MPP7: variants seen among roughly 807,000 people sequenced by gnomAD.
MPP7 encodes MAGUK p55 scaffold protein 7, also known as MAGUK p55 subfamily member 7.
MPP7 carries 60 observed loss-of-function variants against 76.5 expected under a neutral mutation model. The observed-to-expected ratio is 0.78, with a 90% confidence interval of 0.64 to 0.97. The LOEUF is 0.97. MPP7 is among the 50% of genes least tolerant of loss of function. MPP7 has a pLI of 0.00. For missense variants in MPP7, 641 were observed against 694.0 expected (o/e 0.92, Z 0.86); for synonymous variants, 237 against 244.5 (o/e 0.97, Z 0.29).
chr10:28,183,505 G>A (rs1305922539), intron 3 of MPP7, among the ~76,000 whole-genome samples: 1 of 152,142 alleles, frequency 6.6e-6, no homozygotes, highest in East Asian at 1.9e-4. Flanking sequence ...AGTTTATTAA[G>A]AGGCCAGGTG....
intron 1 of MPP7, among the ~76,000 whole-genome samples, chr10:28,254,004 G>GAAAAAAAAAAAAAAA (rs199511617): frequency 4.3e-5 from 4 of 92,334 alleles, no homozygotes; most frequent in Non-Finnish European, 6.2e-5. Context: ...TCACAAAAAA[G>GAAAAAAAAAAAAAAA]AAAAAAAAAA....
At chr10:28,310,071 G>A (rs1319671213) in intron 2 of MPP7, among the ~76,000 whole-genome samples, 7 of 145,072 alleles carry the variant, frequency 4.8e-5, no homozygotes, top group Admixed American at 2.8e-4. Context: ...GCACAATCTC[G>A]GCTCACTGCA....
In MPP7 at chr10:28,094,293, A is replaced by AT. The variant is rs1459374231; in HGVS notation, c.953-4453_953-4452insA. On this transcript the variant is annotated intron_variant, in intron 11 of 16. Transcript: ENST00000683449. The stretch of plus-strand genomic sequence containing the variant: ...TTTTACAATGCAAAGGAGCAAAGGC[A>AT]GTGAGGTCGCAACAGGGGTTCCATG... 3.7e-3 allele frequency among the ~76,000 whole-genome samples: 567 copies of AT among 152,288 alleles called. 1 individual carries two copies. The highest frequency in any genetic ancestry group is 0.013 in the African/African-American group (531 of 41,538).
intron 2 of MPP7, among the ~76,000 whole-genome samples, chr10:28,237,115 C>T (rs1839103432): frequency 1.3e-5 from 2 of 152,150 alleles, no homozygotes; most frequent in Admixed American, 6.5e-5. Context: ...ATAAATACTC[C>T]ATTTTAATCC....
intron 11 of MPP7, among the ~76,000 whole-genome samples, chr10:28,117,514 C>T (rs868518705): frequency 2.0e-5 from 3 of 152,124 alleles, no homozygotes; most frequent in South Asian, 2.1e-4. Flanking sequence ...GGCATGATAA[C>T]GTAAGTTTCC....
chr10:28,159,124 T>G (rs1276285409), intron 3 of MPP7, among the ~76,000 whole-genome samples: 3 of 152,184 alleles, frequency 2.0e-5, no homozygotes, highest in African/African-American at 7.2e-5. Context: ...AGCTACAGAC[T>G]GCCAGAAATT....
chr10:28,226,481 A>C (rs189844202), intron 2 of MPP7, among the ~76,000 whole-genome samples: 49 of 152,272 alleles, frequency 3.2e-4, no homozygotes, highest in African/African-American at 1.2e-3. Flanking sequence ...TTCTGACCTC[A>C]GGTGATCCAC....
At chr10:28,183,295 T>C (rs1837120116) in intron 3 of MPP7, among the ~76,000 whole-genome samples, 1 of 152,208 alleles carries the variant, frequency 6.6e-6, no homozygotes, top group African/African-American at 2.4e-5. Flanking sequence ...TCTTAAGCTG[T>C]GTGTTGGAAC....
intron 3 of MPP7, among the ~76,000 whole-genome samples, chr10:28,185,216 T>C (rs1429021332): frequency 6.7e-6 from 1 of 148,364 alleles, no homozygotes; most frequent in East Asian, 1.9e-4. Flanking sequence ...TGATATAATA[T>C]AGTATAATAT....
chr10:28,162,292 T>C (rs78477008), intron 3 of MPP7, among the ~76,000 whole-genome samples: 1,619 of 152,230 alleles, frequency 0.011, 8 homozygotes, highest in Middle Eastern at 0.024. Context: ...AGCCCACGAA[T>C]TGATCACACA....
At chr10:28,272,792 T>A (rs568857005) in intron 1 of MPP7, among the ~76,000 whole-genome samples, 77 of 152,272 alleles carry the variant, frequency 5.1e-4, no homozygotes, top group African/African-American at 1.6e-3. Flanking sequence ...CCTGGAGATG[T>A]TGGAGTCATT....
chr10:28,163,065 G>T lies in MPP7; in HGVS notation c.157-13006C>A, dbSNP rs7091086. ...CCCTTTTGTCATGTAAGGTGACACAGTCATAGGGTCCAGGGAGAAAGACGT... is the reference window on the plus strand; with the variant it reads ...CCCTTTTGTCATGTAAGGTGACACATTCATAGGGTCCAGGGAGAAAGACGT... On this transcript the variant is annotated intron_variant, in intron 3 of 16. Coordinates refer to ENST00000683449, the MANE Select transcript of MPP7 (RefSeq NM_001318170.2). 7.4e-3 allele frequency among the ~76,000 whole-genome samples: 1,130 copies of T among 152,276 alleles called. 10 individuals carry two copies. The highest frequency in any genetic ancestry group is 0.027 in the Middle Eastern group (8 of 294).
chr10:28,124,075 T>C lies in MPP7; in HGVS notation c.571A>G (p.Ile191Val). 6.2e-7 allele frequency: 1 copy of C among 1,612,962 alleles called. No homozygotes were observed. Among genetic ancestry groups the C allele is most frequent in the African/African-American group, 1.3e-5 (1 of 75,060 alleles). ...TCAGGCCTTTTATCCTCCACTGGTA[T>C]CCCGTTGACTTCCCTAAGTTCATCA... ...VGDELREVNG[I>V]PVEDKRPEEI... The change falls in exon 8 of 17, where the codon ATA becomes GTA. Residue 191 changes from isoleucine to valine, a missense_variant. Transcript: ENST00000683449.
chr10:28,312,364 A>T (rs1249419), intron 2 of MPP7, among the ~76,000 whole-genome samples: 8 of 152,010 alleles, frequency 5.3e-5, no homozygotes, highest in African/African-American at 1.9e-4. Context: ...TGATTCGTGC[A>T]TTTTACAATC....
At chr10:28,152,142 C>A (rs1160552010) in intron 3 of MPP7, among the ~76,000 whole-genome samples, 1 of 152,140 alleles carries the variant, frequency 6.6e-6, no homozygotes, top group Non-Finnish European at 1.5e-5. Flanking sequence ...ACTTCATTTG[C>A]TTCTTCTGAG....
intron 2 of MPP7, among the ~76,000 whole-genome samples, chr10:28,312,060 A>C (rs1275153052): frequency 1.3e-5 from 2 of 152,174 alleles, no homozygotes; most frequent in Non-Finnish European, 2.9e-5. Flanking sequence ...ACAGCTCTTA[A>C]AGATGGCACG....
chr10:28,261,589 GGTGACCCCAGAGTACACAGAGT>G (rs1839951037), intron 1 of MPP7, among the ~76,000 whole-genome samples: 1 of 152,078 alleles, frequency 6.6e-6, no homozygotes, highest in Non-Finnish European at 1.5e-5. Context: ...TTCTCCATCA[GGTGACCCCAGAGTACACAGAGT>G]GTGGATATCA....
At chr10:28,193,696 A>G (rs1837487060) in intron 3 of MPP7, among the ~76,000 whole-genome samples, 2 of 152,224 alleles carry the variant, frequency 1.3e-5, no homozygotes, top group Admixed American at 1.3e-4. Context: ...TAGAAAATAC[A>G]AAGAATTGTT....
chr10:28,128,200 T>C (rs1195082058), intron 6 of MPP7, among the ~76,000 whole-genome samples: 4 of 152,188 alleles, frequency 2.6e-5, no homozygotes, highest in African/African-American at 9.7e-5. Flanking sequence ...GAGTGAAGGA[T>C]GGCAAGGGCT....
Sources: allele counts gnomAD v4.1 joint callset (sites outside exome capture counted in the v4.1 genomes callset), GRCh38; gene constraint gnomAD v4.1.1; transcripts MANE v1.5; gene names NCBI Gene and HGNC (gene_info 2026-07-23, HGNC 2026-07-21).